Variants in ROBO2 observed in about 807,000 individuals in gnomAD.
The protein encoded by ROBO2 is roundabout homolog 2.
A neutral mutation model predicts 160.8 loss-of-function variants in ROBO2; 53 were observed. That is an observed-to-expected ratio of 0.33 (90% confidence interval 0.26 to 0.41). The LOEUF (loss-of-function observed/expected upper bound fraction) is 0.41. Among genes scored for constraint, ROBO2 ranks in the 10% least tolerant of loss-of-function variants. ROBO2 has a pLI of 1.00. For missense variants in ROBO2, 1,577 were observed against 1,722.4 expected (o/e 0.92, Z 1.49); for synonymous variants, 664 against 611.7 (o/e 1.09, Z -1.26).
chr3:76,588,109 C>T (rs1046672674), intron 2 of ROBO2, among the ~76,000 whole-genome samples: 1 of 152,120 alleles, frequency 6.6e-6, no homozygotes, highest in Non-Finnish European at 1.5e-5. Flanking sequence ...TTAAAGATCA[C>T]CCATCAGGAA....
chr3:77,470,555 A>G (rs1014867361), intron 2 of ROBO2, among the ~76,000 whole-genome samples: 3 of 152,202 alleles, frequency 2.0e-5, no homozygotes, highest in African/African-American at 7.2e-5. Context: ...TCTTTGGCAC[A>G]TAGTATGTAC....
chr3:77,112,406 G>A (rs968094861), intron 2 of ROBO2, among the ~76,000 whole-genome samples: 2 of 151,724 alleles, frequency 1.3e-5, no homozygotes, highest in African/African-American at 4.8e-5. Context: ...ACCACGCCTG[G>A]GTAATTTTTG....
intron 2 of ROBO2, among the ~76,000 whole-genome samples, chr3:76,012,862 G>A (rs1005700875): frequency 7.1e-6 from 1 of 140,868 alleles, no homozygotes; most frequent in African/African-American, 2.5e-5. Context: ...GACTGGGCAC[G>A]GTGGCTTATG....
intron 2 of ROBO2, among the ~76,000 whole-genome samples, chr3:76,405,340 A>G (rs543018154): frequency 6.6e-6 from 1 of 151,694 alleles, no homozygotes; most frequent in East Asian, 1.9e-4. Flanking sequence ...AGAGAGAAAG[A>G]TTGGGGCCAA....
At chr3:76,946,025 A>G (rs2078518534) in intron 2 of ROBO2, among the ~76,000 whole-genome samples, 1 of 152,022 alleles carries the variant, frequency 6.6e-6, no homozygotes, top group Non-Finnish European at 1.5e-5. Context: ...TAGCTGCTGG[A>G]TATTTTTGTA....
At chr3:76,926,300 G>A (rs751423297) in intron 2 of ROBO2, among the ~76,000 whole-genome samples, 1 of 152,156 alleles carries the variant, frequency 6.6e-6, no homozygotes, top group Non-Finnish European at 1.5e-5. Context: ...AAAGCGTGAC[G>A]ACATTTTAAT....
At chr3:76,376,762 G>A (rs2076366755) in intron 2 of ROBO2, among the ~76,000 whole-genome samples, 1 of 152,140 alleles carries the variant, frequency 6.6e-6, no homozygotes, top group Non-Finnish European at 1.5e-5. Flanking sequence ...ATTAAGAAAT[G>A]TTGATTTGGC....
chr3:76,090,875 G>A (rs1456378608), intron 2 of ROBO2, among the ~76,000 whole-genome samples: 3 of 152,050 alleles, frequency 2.0e-5, no homozygotes, highest in African/African-American at 7.2e-5. Context: ...AAAATGGTGC[G>A]GGAACAACTG....
intron 2 of ROBO2, among the ~76,000 whole-genome samples, chr3:76,120,914 A>G (rs776336759): frequency 6.6e-6 from 1 of 152,176 alleles, no homozygotes; most frequent in Admixed American, 6.5e-5. Context: ...TTACTGTCGA[A>G]TATTATGTCT....
rs1170431442 is a variant in ROBO2 at position 76,261,210 on chromosome 3, A to G, written c.109+323608A>G. 2.9e-3 allele frequency among the ~76,000 whole-genome samples: 324 copies of G among 110,178 alleles called. 2 individuals are homozygous for G. The highest frequency in any genetic ancestry group is 8.7e-3 in the African/African-American group (304 of 34,858). The allele number at this position is 110,178 out of a possible 152,430, so 72.3% of individuals were successfully genotyped here. On this transcript the variant is annotated intron_variant, in intron 2 of 26. Coordinates refer to the ROBO2 transcript ENST00000487694. ...TGTGTGTGTGTGTGTGTGTATATAT[A>G]TATATAAATGACAGCTTCCTATGAA...
chr3:76,529,833 A>G (rs1208949371), intron 2 of ROBO2, among the ~76,000 whole-genome samples: 1 of 152,066 alleles, frequency 6.6e-6, no homozygotes, highest in African/African-American at 2.4e-5. Context: ...CATAGGGAAG[A>G]TTGACTTAGT....
chr3:77,092,961 C>T (rs1205578466), intron 1 of ROBO2, among the ~76,000 whole-genome samples: 4 of 151,826 alleles, frequency 2.6e-5, no homozygotes, highest in Admixed American at 2.0e-4. Context: ...ATCAGGTACT[C>T]TTGAGCAGGG....
In ROBO2 at chr3:77,027,522, A is replaced by C. The variant is rs75472065; in HGVS notation, c.110-70492A>C. ...GCAATCAATGTAAAACCAAATTCTG[A>C]GGAGTAAATTACTACATGGCAATTG... is the stretch of plus-strand genomic sequence containing the variant. On this transcript the variant is annotated intron_variant, in intron 2 of 26. Transcript: ENST00000487694. Among the ~76,000 whole-genome samples, 917 of 152,368 alleles carry C rather than the reference A, an allele frequency of 6.0e-3. 9 individuals are homozygous for C. The highest frequency in any genetic ancestry group is 0.014 in the Middle Eastern group (4 of 294).
At chr3:76,706,042 A>C (rs960671020) in intron 2 of ROBO2, among the ~76,000 whole-genome samples, 2 of 152,130 alleles carry the variant, frequency 1.3e-5, no homozygotes, top group Non-Finnish European at 2.9e-5. Context: ...CAGTGTAAAC[A>C]TATGTTAAGC....
At chr3:76,285,762 T>G (rs1264294872) in intron 2 of ROBO2, among the ~76,000 whole-genome samples, 1 of 152,170 alleles carries the variant, frequency 6.6e-6, no homozygotes, top group Non-Finnish European at 1.5e-5. Context: ...GAATTTAACC[T>G]TTCTCCAAAA....
At chr3:76,153,957 C>T (rs1018022002) in intron 2 of ROBO2, among the ~76,000 whole-genome samples, 2 of 152,078 alleles carry the variant, frequency 1.3e-5, no homozygotes, top group Admixed American at 6.6e-5. Flanking sequence ...GAGCCTATAA[C>T]GTATTTCAAG....
chr3:76,210,072 C>G (rs933288946), intron 2 of ROBO2, among the ~76,000 whole-genome samples: 2 of 152,088 alleles, frequency 1.3e-5, no homozygotes, highest in East Asian at 3.9e-4. Context: ...ATAGCATAAA[C>G]CATTAAAATG....
intron 2 of ROBO2, among the ~76,000 whole-genome samples, chr3:76,864,421 G>A (rs773564687): frequency 4.8e-4 from 73 of 151,780 alleles, no homozygotes; most frequent in Admixed American, 8.5e-4. Flanking sequence ...TTATTCCACC[G>A]ACATCACAGA....
intron 2 of ROBO2, among the ~76,000 whole-genome samples, chr3:76,804,042 A>G (rs1413956029): frequency 2.6e-5 from 4 of 152,236 alleles, no homozygotes; most frequent in African/African-American, 9.6e-5. Flanking sequence ...GAAATTTCAT[A>G]GTCACTTTAT....
Sources: gnomAD v4.1 joint callset for allele counts (sites outside exome capture counted in the v4.1 genomes callset) on GRCh38, gnomAD v4.1.1 for gene constraint, MANE v1.5 for transcripts, NCBI Gene and HGNC (gene_info 2026-07-23, HGNC 2026-07-21) for gene names.